PCCA: variants seen among roughly 807,000 people sequenced by gnomAD.
PCCA encodes the protein propionyl-CoA carboxylase alpha chain, mitochondrial.
Under a neutral mutation model 101.3 loss-of-function variants are expected in PCCA, and 74 were observed. That is an observed-to-expected ratio of 0.73 (90% CI 0.61 to 0.89). The LOEUF (loss-of-function observed/expected upper bound fraction) is 0.89, where lower values mean the gene tolerates loss of function less well. PCCA is among the 40% of genes least tolerant of loss of function. The probability of loss-of-function intolerance (pLI) is 0.00; values close to 1 mark genes in which losing one functional copy is unlikely to be tolerated. For synonymous variants in PCCA, 294 were observed against 313.6 expected (o/e 0.94, Z 0.66); for missense variants, 891 against 907.0 (o/e 0.98, Z 0.23).
intron 22 of PCCA, among the ~76,000 whole-genome samples, chr13:100,522,798 A>G (rs1057182574): frequency 6.6e-6 from 1 of 152,216 alleles, no homozygotes; most frequent in Admixed American, 6.5e-5. Flanking sequence ...CACTCACTGT[A>G]TCACCCCCAT....
In PCCA at chr13:100,232,351, C is replaced by CGTGTGCGTGTGTGTGTGT. The variant is rs1555387984; in HGVS notation, c.601-3486_601-3485insCGTGTGTGTGTGTGTGTG. Among the ~76,000 whole-genome samples the CGTGTGCGTGTGTGTGTGT allele has an allele frequency of 6.7e-4, 88 of 131,258 alleles. 2 individuals are homozygous for CGTGTGCGTGTGTGTGTGT. The highest frequency in any genetic ancestry group is 6.6e-4 in the East Asian group (3 of 4,518). 86.1% of individuals were successfully genotyped at this position (131,258 alleles called of 152,430 possible). On this transcript the variant is annotated intron_variant, in intron 7 of 23. Transcript: ENST00000376285. ...TTATGTTTATGTGTGTGTGTGTATG[C>CGTGTGCGTGTGTGTGTGT]GTGTGTGTGTGTGTGTGTGTGTGTG...
intron 21 of PCCA, among the ~76,000 whole-genome samples, chr13:100,504,300 A>ACAAC (rs911901837): frequency 6.6e-6 from 1 of 152,210 alleles, no homozygotes; most frequent in African/African-American, 2.4e-5. Flanking sequence ...CATAGATAGG[A>ACAAC]CAACGTTCCA....
intron 19 of PCCA, among the ~76,000 whole-genome samples, chr13:100,387,813 C>G (rs191641023): frequency 6.6e-6 from 1 of 152,284 alleles, no homozygotes; most frequent in East Asian, 1.9e-4. Context: ...TAATTGGGTG[C>G]ACAGCTGCAC....
chr13:100,162,884 T>TG (rs1436313370), intron 6 of PCCA, among the ~76,000 whole-genome samples: 1 of 152,212 alleles, frequency 6.6e-6, no homozygotes, highest in African/African-American at 2.4e-5. Flanking sequence ...AGTTGTGACT[T>TG]GTACATATGT....
chr13:100,118,945 C>G (rs2049097258), intron 4 of PCCA, among the ~76,000 whole-genome samples: 1 of 152,118 alleles, frequency 6.6e-6, no homozygotes, highest in African/African-American at 2.4e-5. Flanking sequence ...TTGGTTTCAT[C>G]AGGTCTTCCC....
intron 4 of PCCA, among the ~76,000 whole-genome samples, chr13:100,112,463 C>T (rs1196846301): frequency 1.3e-5 from 2 of 151,910 alleles, no homozygotes; most frequent in Non-Finnish European, 2.9e-5. Context: ...TCAACGTGTT[C>T]AGCTGAAAGT....
At chr13:100,099,775 G>A (rs2047112126) in intron 1 of PCCA, among the ~76,000 whole-genome samples, 1 of 152,046 alleles carries the variant, frequency 6.6e-6, no homozygotes, top group Non-Finnish European at 1.5e-5. Context: ...GATAATATAT[G>A]CAAGACTGTG....
At chr13:100,383,366 C>T in intron 19 of PCCA, among the ~76,000 whole-genome samples, 1 of 151,922 alleles carries the variant, frequency 6.6e-6, no homozygotes, top group East Asian at 2.0e-4. Flanking sequence ...GTGGCTCACG[C>T]CTGTAATCCC....
chr13:100,346,895 A>C (rs1481967004), intron 18 of PCCA, among the ~76,000 whole-genome samples: 1 of 151,306 alleles, frequency 6.6e-6, no homozygotes, highest in Non-Finnish European at 1.5e-5. Flanking sequence ...TTTTTTGGAG[A>C]TGGAGTCTCG....
At chr13:100,329,647 G>T (rs2069247636) in intron 16 of PCCA, among the ~76,000 whole-genome samples, 1 of 152,104 alleles carries the variant, frequency 6.6e-6, no homozygotes, top group Non-Finnish European at 1.5e-5. Context: ...GTCTTTTCCT[G>T]TTCTACAAGA....
chr13:100,278,148 T>G (rs2063799662), intron 12 of PCCA, among the ~76,000 whole-genome samples: 1 of 152,256 alleles, frequency 6.6e-6, no homozygotes, highest in Non-Finnish European at 1.5e-5. Flanking sequence ...AATGTATCTT[T>G]ATAACTAAGT....
chr13:100,172,060 G>T (rs982462035), intron 6 of PCCA, among the ~76,000 whole-genome samples: 2 of 151,754 alleles, frequency 1.3e-5, no homozygotes, highest in African/African-American at 4.8e-5. Context: ...TATTAGCTGG[G>T]TGTGTTGGCA....
At chr13:100,208,534 C>A (rs1028907538) in intron 6 of PCCA, among the ~76,000 whole-genome samples, 5 of 152,118 alleles carry the variant, frequency 3.3e-5, no homozygotes, top group African/African-American at 1.2e-4. Context: ...TGACTTCATC[C>A]TTTATCTCAG....
At chr13:100,121,303 A>C (rs905999542) in intron 4 of PCCA, among the ~76,000 whole-genome samples, 1 of 151,432 alleles carries the variant, frequency 6.6e-6, no homozygotes, top group Non-Finnish European at 1.5e-5. Context: ...GGTTACAGGC[A>C]TGCGCCACCA....
chr13:100,122,559 T>C lies in PCCA; in HGVS notation c.300+10498T>C, dbSNP rs143829373. 4.6e-5 allele frequency among the ~76,000 whole-genome samples: 7 copies of C among 152,342 alleles called. No homozygotes were observed. In the East Asian group the frequency reaches 1.3e-3, roughly 29 times the overall value. ...TTCTTTAATCAGTGTCTGTAGTTTA[T>C]GTCTTTCTACAAATGTGTCCATTTC... On this transcript the variant is annotated intron_variant, in intron 4 of 23. Transcript: ENST00000376285.
intron 16 of PCCA, among the ~76,000 whole-genome samples, chr13:100,312,943 G>T (rs1047139901): frequency 1.3e-5 from 2 of 151,878 alleles, no homozygotes; most frequent in Non-Finnish European, 2.9e-5. Context: ...ATGAGAGAGG[G>T]GTTTTTCTTG....
chr13:100,186,612 C>G (rs535333593), intron 6 of PCCA, among the ~76,000 whole-genome samples: 1 of 151,664 alleles, frequency 6.6e-6, no homozygotes, highest in African/African-American at 2.4e-5. Flanking sequence ...TGTGGTGGCA[C>G]GTGCCTGTAG....
chr13:100,129,595 A>G (rs1263222457), intron 4 of PCCA, among the ~76,000 whole-genome samples: 6 of 152,014 alleles, frequency 3.9e-5, no homozygotes, highest in Non-Finnish European at 2.9e-5. Context: ...TTGGATTCCT[A>G]ATCTACATCC....
At chr13:100,280,682 T>C (rs2064033814) in intron 12 of PCCA, among the ~76,000 whole-genome samples, 1 of 152,196 alleles carries the variant, frequency 6.6e-6, no homozygotes, top group African/African-American at 2.4e-5. Flanking sequence ...CCCTTATCCA[T>C]AGTTTTCCTT....
Sources: allele counts gnomAD v4.1 joint callset (sites outside exome capture counted in the v4.1 genomes callset), GRCh38; gene constraint gnomAD v4.1.1; transcripts MANE v1.5; gene names NCBI Gene and HGNC (gene_info 2026-07-23, HGNC 2026-07-21).